Variants in IL1RAPL1 observed in about 807,000 individuals in gnomAD.
The protein encoded by IL1RAPL1 is interleukin-1 receptor accessory protein-like 1.
IL1RAPL1 carries 3 observed loss-of-function variants against 48.4 expected under a neutral mutation model. The ratio of observed to expected loss-of-function variants is 0.06; its 90% CI spans 0.03 to 0.16. The LOEUF (loss-of-function observed/expected upper bound fraction) is 0.16, where lower values mean the gene tolerates loss of function less well. Among genes scored for constraint, IL1RAPL1 ranks in the 10% least tolerant of loss-of-function variants. The pLI, the probability that IL1RAPL1 is intolerant of heterozygous loss-of-function variation, is 1.00. For missense variants in IL1RAPL1, 349 were observed against 530.6 expected (o/e 0.66, Z 3.36); for synonymous variants, 185 against 187.7 (o/e 0.99, Z 0.12).
intron 2 of IL1RAPL1, among the ~76,000 whole-genome samples, chrX:29,181,534 T>C (rs771368767): frequency 3.6e-5 from 4 of 112,022 alleles, no homozygotes; most frequent in African/African-American, 1.3e-4. Flanking sequence ...TGGGGCAAAC[T>C]TTAGAAAGAA....
intron 3 of IL1RAPL1, among the ~76,000 whole-genome samples, chrX:29,341,269 G>A (rs1181518963): frequency 8.9e-6 from 1 of 111,862 alleles, no homozygotes; most frequent in African/African-American, 3.2e-5. Flanking sequence ...AGCCCTGACG[G>A]AAGAGTCAGG....
intron 5 of IL1RAPL1, among the ~76,000 whole-genome samples, chrX:29,634,592 C>T (rs1354662876): frequency 9.0e-6 from 1 of 111,423 alleles, no homozygotes. Flanking sequence ...AACACTCCAA[C>T]CCAAGAGAAA....
intron 6 of IL1RAPL1, among the ~76,000 whole-genome samples, chrX:29,807,848 T>C (rs1337554598): frequency 1.8e-5 from 2 of 110,949 alleles, no homozygotes; most frequent in Non-Finnish European, 3.8e-5. Context: ...CGCATGATTA[T>C]GCAATTAAAT....
intron 2 of IL1RAPL1, among the ~76,000 whole-genome samples, chrX:29,216,612 C>T (rs193220222): frequency 1.8e-5 from 2 of 111,640 alleles, no homozygotes; most frequent in Admixed American, 1.9e-4. Context: ...CCTACAAACA[C>T]CTGCAACTCA....
At chrX:29,334,540 G>A (rs1932949914) in intron 3 of IL1RAPL1, among the ~76,000 whole-genome samples, 2 of 111,588 alleles carry the variant, frequency 1.8e-5, no homozygotes, top group African/African-American at 3.3e-5. Flanking sequence ...CCGGACGGAG[G>A]GGCTCCTCAC....
chrX:28,858,604 G>T (rs1411893750), intron 2 of IL1RAPL1, among the ~76,000 whole-genome samples: 3 of 112,304 alleles, frequency 2.7e-5, no homozygotes, highest in African/African-American at 9.7e-5. Flanking sequence ...TTAAAATTAA[G>T]TTATGTACAT....
At chrX:28,729,173 G>A (rs1432426088) in intron 1 of IL1RAPL1, among the ~76,000 whole-genome samples, 1 of 111,518 alleles carries the variant, frequency 9.0e-6, no homozygotes, top group Admixed American at 9.6e-5. Flanking sequence ...TGACCAAAAT[G>A]CTTTTAAGGG....
intron 6 of IL1RAPL1, among the ~76,000 whole-genome samples, chrX:29,888,035 G>T (rs997439857): frequency 4.5e-5 from 5 of 111,207 alleles, no homozygotes; most frequent in African/African-American, 1.6e-4. Flanking sequence ...TAATTCTGTC[G>T]CAATACAAAG....
chrX:29,052,775 G>A (rs1341816896), intron 2 of IL1RAPL1, among the ~76,000 whole-genome samples: 5 of 111,407 alleles, frequency 4.5e-5, no homozygotes, highest in Non-Finnish European at 7.5e-5. Context: ...GGGTTCAAGC[G>A]ATTCTCCTGC....
intron 5 of IL1RAPL1, among the ~76,000 whole-genome samples, chrX:29,557,229 A>G (rs1277472731): frequency 8.9e-6 from 1 of 111,918 alleles, no homozygotes; most frequent in African/African-American, 3.2e-5. Context: ...ATTCCAGCCA[A>G]TGAATGGTCT....
chrX:28,760,073 C>T (rs1936151355), intron 1 of IL1RAPL1, among the ~76,000 whole-genome samples: 1 of 111,079 alleles, frequency 9.0e-6, no homozygotes, highest in Non-Finnish European at 1.9e-5. Flanking sequence ...TTCCCTTTGT[C>T]GACATGTAGA....
At chrX:29,271,469 A>G (rs1329495954) in intron 2 of IL1RAPL1, among the ~76,000 whole-genome samples, 1 of 112,552 alleles carries the variant, frequency 8.9e-6, no homozygotes, top group African/African-American at 3.2e-5. Context: ...GAACTAATTT[A>G]CCTTCCCACC....
chrX:29,033,106 C>T (rs551549249), intron 2 of IL1RAPL1, among the ~76,000 whole-genome samples: 1 of 110,934 alleles, frequency 9.0e-6, no homozygotes, highest in Middle Eastern at 4.7e-3. Context: ...ATATGTACTC[C>T]CTTATATTCC....
rs189147790 is a variant in IL1RAPL1 at position 29,264,964 on chromosome X, G to A, written c.83-17974G>A. ...TTTTCCTCTTATTGCCCAGGCTGGA[G>A]TGCAGTGGCGCTATCTGGGCTCACT... On this transcript the variant is annotated intron_variant, in intron 2 of 10. Coordinates refer to ENST00000378993, the MANE Select transcript of IL1RAPL1 (RefSeq NM_014271.4). 3.2e-3 allele frequency among the ~76,000 whole-genome samples: 361 copies of A among 111,535 alleles called. 1 individual carries two copies. Among genetic ancestry groups the A allele is most frequent in the African/African-American group, 0.012 (354 of 30,704 alleles).
chrX:29,917,673 G>GAT, intron 7 of IL1RAPL1, 77 bp downstream of exon 7: 1 of 919,725 alleles, frequency 1.1e-6, no homozygotes, highest in Non-Finnish European at 1.5e-6. Context: ...AAGCTGAAAG[G>GAT]ATTTTTTTTT....
intron 2 of IL1RAPL1, among the ~76,000 whole-genome samples, chrX:28,947,747 A>G (rs1924345939): frequency 1.8e-5 from 2 of 112,069 alleles, no homozygotes; most frequent in African/African-American, 6.5e-5. Flanking sequence ...GTAATACATC[A>G]GGAAAACAAG....
At chrX:29,078,059 C>CCTGAGGT (rs1927719664) in intron 2 of IL1RAPL1, among the ~76,000 whole-genome samples, 1 of 112,220 alleles carries the variant, frequency 8.9e-6, no homozygotes, top group Non-Finnish European at 1.9e-5. Context: ...AGGCGGATCA[C>CCTGAGGT]CTGAGGTCGG....
At chrX:29,341,878 C>T (rs757698017) in intron 3 of IL1RAPL1, among the ~76,000 whole-genome samples, 1 of 111,105 alleles carries the variant, frequency 9.0e-6, no homozygotes, top group East Asian at 2.8e-4. Context: ...ATGATCTCGG[C>T]TCACGGCAAC....
intron 5 of IL1RAPL1, among the ~76,000 whole-genome samples, chrX:29,519,819 C>T (rs1935484488): frequency 9.0e-6 from 1 of 111,638 alleles, no homozygotes; most frequent in Non-Finnish European, 1.9e-5. Context: ...AATTCCAAGG[C>T]ATAGCCTAAA....
Sources: gnomAD v4.1 joint callset for allele counts (sites outside exome capture counted in the v4.1 genomes callset) on GRCh38, gnomAD v4.1.1 for gene constraint, MANE v1.5 for transcripts, NCBI Gene and HGNC (gene_info 2026-07-23, HGNC 2026-07-21) for gene names.